The following CTNND2 variants were observed in gnomAD, a reference collection of about 807,000 sequenced individuals.
CTNND2 encodes catenin delta-2.
Under a neutral mutation model 144.4 loss-of-function variants are expected in CTNND2, and 22 were observed. The ratio of observed to expected loss-of-function variants is 0.15; its 90% CI spans 0.11 to 0.22. The LOEUF (loss-of-function observed/expected upper bound fraction) is 0.22, where lower values mean the gene tolerates loss of function less well. Ranked by LOEUF, CTNND2 falls within the 10% of genes least tolerant of loss-of-function variation. CTNND2 has a pLI of 1.00. For missense variants in CTNND2, 1,353 were observed against 1,618.8 expected (o/e 0.84, Z 2.82); for synonymous variants, 751 against 695.6 (o/e 1.08, Z -1.25).
intron 11 of CTNND2, among the ~76,000 whole-genome samples, chr5:11,177,891 C>G (rs538601915): frequency 6.6e-6 from 1 of 152,086 alleles, no homozygotes; most frequent in Admixed American, 6.6e-5. Flanking sequence ...TCAATTCCAT[C>G]GCAAGAAAAC....
rs543946198 is a variant in CTNND2 at position 11,137,149 on chromosome 5, C to G, written c.2160-19582G>C. Among the ~76,000 whole-genome samples the G allele has an allele frequency of 2.6e-5, 4 of 152,294 alleles. No individual in the cohort carries two copies. In the South Asian group the frequency reaches 8.3e-4, roughly 32 times the overall value. On this transcript the variant is annotated intron_variant, in intron 12 of 21. Coordinates refer to ENST00000304623, the MANE Select transcript of CTNND2 (RefSeq NM_001332.4). ...TACTATTGTATCTCTAATCCAATTC[C>G]ATAAATAACATACTTATTCCAGATT...
intron 15 of CTNND2, among the ~76,000 whole-genome samples, chr5:11,088,675 G>C (rs1294164870): frequency 6.6e-6 from 1 of 152,026 alleles, no homozygotes; most frequent in Non-Finnish European, 1.5e-5. Context: ...AGTTTGGAGG[G>C]GCCCTATTGA....
At position 11,506,701 on chromosome 5, in the gene CTNND2, T is replaced by C. The variant is rs375869499; in HGVS notation, c.287+58243A>G. On this transcript the variant is annotated intron_variant, in intron 3 of 21. Transcript: ENST00000304623. ...AATTCATTTTTTTAAAAGATAAACA[T>C]TTATTGTAAACACTATGAGGCATGC... Among the ~76,000 whole-genome samples, 7 of 152,332 alleles carry C rather than the reference T, an allele frequency of 4.6e-5. No individual in the cohort carries two copies. In the East Asian group the frequency reaches 7.7e-4, roughly 17 times the overall value.
chr5:11,822,866 G>A (rs1793391111), intron 1 of CTNND2, among the ~76,000 whole-genome samples: 1 of 152,134 alleles, frequency 6.6e-6, no homozygotes. Flanking sequence ...TCTGGATTCA[G>A]GCCTTGTGAG....
rs1753293740 is a variant in CTNND2, at chr5:11,332,656, C to T, written c.1628+13716G>A. 2.6e-5 allele frequency among the ~76,000 whole-genome samples: 4 copies of T among 152,148 alleles called. 1 individual carries two copies. In the South Asian group the frequency reaches 8.3e-4, roughly 32 times the overall value. ...ACTTCTCATTTCCCCTTCCCACATCCCCAGGAAACCACTATTCTACTTTTG... is the reference window on the plus strand; with the variant it reads ...ACTTCTCATTTCCCCTTCCCACATCTCCAGGAAACCACTATTCTACTTTTG... On this transcript the variant is annotated intron_variant, in intron 9 of 21. Coordinates refer to ENST00000304623, the MANE Select transcript of CTNND2 (RefSeq NM_001332.4).
intron 3 of CTNND2, among the ~76,000 whole-genome samples, chr5:11,462,101 G>A (rs924248186): frequency 2.6e-5 from 4 of 152,066 alleles, no homozygotes; most frequent in Non-Finnish European, 2.9e-5. Context: ...TTTGGTCTCA[G>A]TGCTCACAAA....
At chr5:11,094,073 ATATG>A (rs1751055088) in intron 15 of CTNND2, among the ~76,000 whole-genome samples, 1 of 152,198 alleles carries the variant, frequency 6.6e-6, no homozygotes, top group Admixed American at 6.5e-5. Flanking sequence ...AAATGTTTAT[ATATG>A]TATGTACATA....
In CTNND2 at chr5:10,972,391, T is replaced by C. The variant is rs1735936348; in HGVS notation, c.*1062A>G. On this transcript the variant is annotated 3_prime_UTR_variant, in exon 22 of 22. Transcript: ENST00000304623. ...CAAGATGAACAGCAAATGAAATAGC[T>C]TCTGTCAAAATAAAATCTCACACAG... is the stretch of plus-strand genomic sequence containing the variant. 6.6e-6 allele frequency: 1 copy of C among 152,230 alleles called. No individual in the cohort carries two copies. The highest frequency in any genetic ancestry group is 2.4e-5 in the African/African-American group (1 of 41,446). 9.4% of individuals were successfully genotyped at this position (152,230 alleles called of 1,614,324 possible).
At chr5:11,347,517 A>G (rs970925244) in intron 8 of CTNND2, among the ~76,000 whole-genome samples, 5 of 152,210 alleles carry the variant, frequency 3.3e-5, no homozygotes, top group African/African-American at 4.8e-5. Context: ...TTCTCAAAAT[A>G]TATTTGACAT....
intron 3 of CTNND2, among the ~76,000 whole-genome samples, chr5:11,539,572 A>G (rs1010785830): frequency 3.9e-5 from 6 of 152,242 alleles, no homozygotes; most frequent in Non-Finnish European, 8.8e-5. Flanking sequence ...TGAGCAAGTC[A>G]TTCAGTTGCA....
At chr5:11,670,716 G>C (rs1176181442) in intron 2 of CTNND2, among the ~76,000 whole-genome samples, 1 of 152,094 alleles carries the variant, frequency 6.6e-6, no homozygotes, top group Non-Finnish European at 1.5e-5. Context: ...GATGGGTCTT[G>C]ACTCTTTATC....
rs1448572644 is a variant in CTNND2 at position 11,375,397 on chromosome 5, T to A, written c.1177+9268A>T. 2.6e-5 allele frequency among the ~76,000 whole-genome samples: 4 copies of A among 152,204 alleles called. No homozygotes were observed. In the East Asian group the frequency reaches 7.7e-4, roughly 29 times the overall value. ...TCTCTATATCAACATTTTATTAATT[T>A]TTATTATTTTATTCAACATAATATT... On this transcript the variant is annotated intron_variant, in intron 7 of 21. Transcript: ENST00000304623.
At chr5:11,359,355 G>A (rs1756214806) in intron 8 of CTNND2, among the ~76,000 whole-genome samples, 1 of 152,200 alleles carries the variant, frequency 6.6e-6, no homozygotes, top group Non-Finnish European at 1.5e-5. Flanking sequence ...CATTTCTGCT[G>A]CAGTTCACAC....
intron 2 of CTNND2, among the ~76,000 whole-genome samples, chr5:11,625,413 C>CTCTCTCTCTCTCTCTT (rs1347369328): frequency 3.3e-5 from 5 of 151,800 alleles, no homozygotes; most frequent in African/African-American, 1.2e-4. Context: ...CTCTCTCTCT[C>CTCTCTCTCTCTCTCTT]TCTCTCTCTC....
intron 9 of CTNND2, among the ~76,000 whole-genome samples, chr5:11,290,825 A>G (rs1455326124): frequency 5.9e-5 from 9 of 152,148 alleles, no homozygotes; most frequent in Non-Finnish European, 1.2e-4. Context: ...TTTTAACATA[A>G]AGTAACCTTC....
At chr5:11,642,945 GGTCA>G (rs1175050681) in intron 2 of CTNND2, among the ~76,000 whole-genome samples, 1 of 152,148 alleles carries the variant, frequency 6.6e-6, no homozygotes, top group Non-Finnish European at 1.5e-5. Flanking sequence ...CATGCATTTG[GGTCA>G]GTTAGAAGTC....
At chr5:11,599,143 C>T (rs1779660550) in intron 2 of CTNND2, among the ~76,000 whole-genome samples, 1 of 152,166 alleles carries the variant, frequency 6.6e-6, no homozygotes, top group African/African-American at 2.4e-5. Flanking sequence ...CAGTCATCTC[C>T]TACTAAGCCC....
chr5:11,564,695 C>G (rs1172100979), intron 3 of CTNND2, among the ~76,000 whole-genome samples: 2 of 151,814 alleles, frequency 1.3e-5, no homozygotes, highest in Non-Finnish European at 2.9e-5. Context: ...GAATGCAAAG[C>G]CTTCCTTTGT....
rs1737227052 is a variant in CTNND2, at chr5:11,199,632, C to T, written c.1791G>A (p.Leu597=). ...TCATCCGATGATCCAACAGGTCCAC[C>T]AGGAGCTGGATGCCTCCTTGTCTCC... ...EIRRQGGIQL[L]VDLLDHRMTE... Residue 597 remains leucine (L), a synonymous_variant, in exon 11 of 22, where the codon CTG becomes CTA. Coordinates refer to ENST00000304623, the MANE Select transcript of CTNND2 (RefSeq NM_001332.4). 6.2e-7 allele frequency: 1 copy of T among 1,614,126 alleles called. No homozygotes were observed. Among genetic ancestry groups the T allele is most frequent in the Non-Finnish European group, 8.5e-7 (1 of 1,180,014 alleles).
Sources: allele counts gnomAD v4.1 joint callset (sites outside exome capture counted in the v4.1 genomes callset), GRCh38; gene constraint gnomAD v4.1.1; transcripts MANE v1.5; gene names NCBI Gene and HGNC (gene_info 2026-07-23, HGNC 2026-07-21).